The following ADCY2 variants were observed in gnomAD, a reference collection of about 807,000 sequenced individuals.
The protein encoded by ADCY2 is adenylate cyclase type 2.
A neutral mutation model predicts 125.2 loss-of-function variants in ADCY2; 31 were observed. That is an observed-to-expected ratio of 0.25 (90% CI 0.19 to 0.33). The LOEUF is 0.33. Among genes scored for constraint, ADCY2 ranks in the 10% least tolerant of loss-of-function variants. ADCY2 has a pLI of 1.00. For synonymous variants in ADCY2, 512 were observed against 548.4 expected (o/e 0.93, Z 0.93); for missense variants, 904 against 1,418.2 (o/e 0.64, Z 5.82).
chr5:7,573,923 A>C (rs1736155978), intron 3 of ADCY2, among the ~76,000 whole-genome samples: 1 of 84,312 alleles, frequency 1.2e-5, no homozygotes, highest in Admixed American at 1.5e-4. Context: ...CCCCCACCCC[A>C]CAACAGTCCC....
chr5:7,483,210 G>T (rs771421783), intron 2 of ADCY2, among the ~76,000 whole-genome samples: 1 of 152,126 alleles, frequency 6.6e-6, no homozygotes, highest in Non-Finnish European at 1.5e-5. Flanking sequence ...TGAGGTAATA[G>T]ATATCCTAAC....
chr5:7,649,907 A>T (rs1462517585), intron 4 of ADCY2, among the ~76,000 whole-genome samples: 1 of 152,100 alleles, frequency 6.6e-6, no homozygotes, highest in African/African-American at 2.4e-5. Flanking sequence ...AGGAGGAGCC[A>T]TACTGGACTT....
intron 3 of ADCY2, among the ~76,000 whole-genome samples, chr5:7,569,515 C>T (rs534888097): frequency 2.6e-5 from 4 of 152,268 alleles, no homozygotes; most frequent in South Asian, 2.1e-4. Flanking sequence ...CACCTGTCAT[C>T]GACACACTCC....
chr5:7,803,205 T>C (rs540651985), intron 21 of ADCY2, among the ~76,000 whole-genome samples: 2 of 152,320 alleles, frequency 1.3e-5, no homozygotes, highest in East Asian at 3.9e-4. Flanking sequence ...GGGTGCATCA[T>C]GACAAATAGC....
chr5:7,825,136 G>T (rs1368941495), intron 24 of ADCY2, among the ~76,000 whole-genome samples: 1 of 151,828 alleles, frequency 6.6e-6, no homozygotes, highest in Non-Finnish European at 1.5e-5. Flanking sequence ...ACACTGCTGT[G>T]TCCCATAATA....
At chr5:7,719,850 T>A (rs1741704633) in intron 12 of ADCY2, among the ~76,000 whole-genome samples, 1 of 152,106 alleles carries the variant, frequency 6.6e-6, no homozygotes, top group Non-Finnish European at 1.5e-5. Flanking sequence ...AAACTTGCAG[T>A]TCATAACAAT....
intron 24 of ADCY2, among the ~76,000 whole-genome samples, chr5:7,821,267 A>G (rs1407546329): frequency 6.6e-6 from 1 of 152,256 alleles, no homozygotes; most frequent in African/African-American, 2.4e-5. Context: ...CATTAAATCA[A>G]TTATAATCGT....
intron 13 of ADCY2, among the ~76,000 whole-genome samples, chr5:7,726,723 A>G (rs556793339): frequency 6.6e-6 from 1 of 152,220 alleles, no homozygotes; most frequent in Non-Finnish European, 1.5e-5. Flanking sequence ...ATAAAATACT[A>G]AAATAAATGA....
chr5:7,829,240 T>G lies in ADCY2; in HGVS notation c.*2369T>G, dbSNP rs1745573284. The stretch of plus-strand genomic sequence containing the variant: ...GGGGCCCAGCACAACTGCTGTTTAG[T>G]GAACAGGTTCTCCAGGTGATTCTGA... On this transcript the variant is annotated 3_prime_UTR_variant, in exon 25 of 25. Transcript: ENST00000338316. The G allele has an allele frequency of 6.6e-6, 1 of 152,654 alleles. No individual in the cohort carries two copies. The highest frequency in any genetic ancestry group is 1.5e-5 in the Non-Finnish European group (1 of 68,054). 9.5% of individuals were successfully genotyped at this position (152,654 alleles called of 1,614,324 possible). A position where few individuals can be genotyped will look rare whatever the true frequency, so the allele number is the denominator to read the frequency against.
intron 5 of ADCY2, among the ~76,000 whole-genome samples, chr5:7,693,444 A>T (rs1579322803): frequency 2.8e-5 from 2 of 71,150 alleles, no homozygotes; most frequent in Non-Finnish European, 7.0e-5. Flanking sequence ...TTTGAGACGG[A>T]GTCTCACTCT....
chr5:7,621,999 G>T (rs2126653981), intron 3 of ADCY2, among the ~76,000 whole-genome samples: 1 of 152,224 alleles, frequency 6.6e-6, no homozygotes, highest in South Asian at 2.1e-4. Context: ...TTCCTCCTAA[G>T]ACATCTCTGG....
intron 15 of ADCY2, among the ~76,000 whole-genome samples, chr5:7,757,213 A>G (rs931493213): frequency 1.3e-5 from 2 of 152,216 alleles, no homozygotes; most frequent in Non-Finnish European, 2.9e-5. Context: ...AAAGACATAC[A>G]AGCACATTGT....
At chr5:7,411,451 T>C (rs1279824002) in intron 1 of ADCY2, among the ~76,000 whole-genome samples, 2 of 152,244 alleles carry the variant, frequency 1.3e-5, no homozygotes, top group East Asian at 3.9e-4. Flanking sequence ...GTCCTCTTTA[T>C]AGTTTGCAAC....
chr5:7,757,763 C>A (rs1454517677), intron 16 of ADCY2, among the ~76,000 whole-genome samples, 177 bp downstream of exon 16: 1 of 152,132 alleles, frequency 6.6e-6, no homozygotes, highest in African/African-American at 2.4e-5. Flanking sequence ...GCGTTCTTCC[C>A]TTCTGGGACC....
At chr5:7,690,951 T>G in intron 5 of ADCY2, 112 bp downstream of exon 5, 1 of 1,238,056 alleles carries the variant, frequency 8.1e-7, no homozygotes, top group Non-Finnish European at 1.1e-6. Context: ...CAGTGGATCC[T>G]TTGCAGGGGA....
intron 3 of ADCY2, among the ~76,000 whole-genome samples, chr5:7,527,043 G>A (rs1734496594): frequency 6.6e-6 from 1 of 152,198 alleles, no homozygotes; most frequent in South Asian, 2.1e-4. Flanking sequence ...CATGATAGAA[G>A]CAAGGAGTCT....
At chr5:7,633,058 A>G (rs1423097216) in intron 4 of ADCY2, among the ~76,000 whole-genome samples, 1 of 152,148 alleles carries the variant, frequency 6.6e-6, no homozygotes, top group East Asian at 1.9e-4. Context: ...GATGCCTAAC[A>G]AAGAATATAA....
intron 2 of ADCY2, among the ~76,000 whole-genome samples, chr5:7,503,149 G>A (rs1743659254): frequency 1.3e-5 from 2 of 152,160 alleles, no homozygotes; most frequent in Admixed American, 6.5e-5. Flanking sequence ...AATGAATGAA[G>A]AAATGAAATG....
intron 4 of ADCY2, among the ~76,000 whole-genome samples, chr5:7,642,630 T>G (rs1181205121): frequency 1.3e-5 from 2 of 152,244 alleles, no homozygotes; most frequent in Middle Eastern, 6.8e-3. Flanking sequence ...TTCCAGATAC[T>G]ATACAAAATG....
Sources: allele counts gnomAD v4.1 joint callset (sites outside exome capture counted in the v4.1 genomes callset), GRCh38; gene constraint gnomAD v4.1.1; transcripts MANE v1.5; gene names NCBI Gene and HGNC (gene_info 2026-07-23, HGNC 2026-07-21).